IL1RAPL2: variants seen among roughly 807,000 people sequenced by gnomAD.
The protein encoded by IL1RAPL2 is interleukin 1 receptor accessory protein like 2.
IL1RAPL2 carries 3 observed loss-of-function variants against 44.1 expected under a neutral mutation model. The ratio of observed to expected loss-of-function variants is 0.07; its 90% CI spans 0.03 to 0.18. IL1RAPL2 has a LOEUF of 0.18. IL1RAPL2 is among the 10% of genes least tolerant of loss of function. The pLI, the probability that IL1RAPL2 is intolerant of heterozygous loss-of-function variation, is 1.00. For missense variants in IL1RAPL2, 391 were observed against 496.4 expected, an observed-to-expected ratio of 0.79 and a Z score of 2.02; for synonymous variants, 181 against 178.8, an observed-to-expected ratio of 1.01 and a Z score of -0.10.
intron 5 of IL1RAPL2, among the ~76,000 whole-genome samples, chrX:105,411,726 T>G (rs2035697297): frequency 1.8e-5 from 2 of 111,605 alleles, no homozygotes; most frequent in Non-Finnish European, 3.8e-5. Flanking sequence ...AGTAGGGGAC[T>G]TCAACACCCC....
At chrX:105,567,079 A>G (rs1339076078) in intron 6 of IL1RAPL2, among the ~76,000 whole-genome samples, 1 of 111,541 alleles carries the variant, frequency 9.0e-6, no homozygotes, top group African/African-American at 3.3e-5. Flanking sequence ...AAGGAAAAAA[A>G]TTCTTATTTT....
At chrX:104,890,381 C>G (rs1923390823) in intron 2 of IL1RAPL2, among the ~76,000 whole-genome samples, 1 of 111,865 alleles carries the variant, frequency 8.9e-6, no homozygotes, top group Non-Finnish European at 1.9e-5. Context: ...ACACTGTCTT[C>G]CACAATGATA....
chrX:104,773,148 G>C (rs1360715634), intron 2 of IL1RAPL2, among the ~76,000 whole-genome samples: 1 of 111,372 alleles, frequency 9.0e-6, no homozygotes, highest in Non-Finnish European at 1.9e-5. Context: ...GGCTCAAGTA[G>C]TCCTTCTGCC....
intron 5 of IL1RAPL2, among the ~76,000 whole-genome samples, chrX:105,383,649 A>G (rs2035454357): frequency 8.9e-6 from 1 of 112,176 alleles, no homozygotes; most frequent in Non-Finnish European, 1.9e-5. Context: ...GCTAGATCAT[A>G]TGGTAGCTCT....
chrX:104,919,224 CTTT>C (rs35363128), intron 2 of IL1RAPL2, among the ~76,000 whole-genome samples: 9 of 95,995 alleles, frequency 9.4e-5, no homozygotes, highest in South Asian at 9.6e-4. Flanking sequence ...CTTTTTCTTT[CTTT>C]TTTTTTTTTT....
chrX:105,165,029 C>T (rs1243976477), intron 2 of IL1RAPL2, among the ~76,000 whole-genome samples: 1 of 111,521 alleles, frequency 9.0e-6, no homozygotes, highest in Non-Finnish European at 1.9e-5. Flanking sequence ...AACTCTTCAT[C>T]CTTGTCCCCA....
intron 2 of IL1RAPL2, among the ~76,000 whole-genome samples, chrX:104,679,022 G>A (rs1055808859): frequency 8.9e-6 from 1 of 112,040 alleles, no homozygotes; most frequent in Admixed American, 9.4e-5. Context: ...TTTGTGCGGA[G>A]ATGTATAAAA....
At chrX:104,657,571 T>C (rs1322797144) in intron 1 of IL1RAPL2, among the ~76,000 whole-genome samples, 2 of 111,680 alleles carry the variant, frequency 1.8e-5, no homozygotes, top group African/African-American at 6.5e-5. Flanking sequence ...GGGCAAGGAC[T>C]TCATGACTAA....
intron 3 of IL1RAPL2, among the ~76,000 whole-genome samples, chrX:105,197,456 T>C: frequency 8.9e-6 from 1 of 111,999 alleles, no homozygotes; most frequent in East Asian, 2.8e-4. Context: ...GTACAAGTGC[T>C]AAGCTTACAA....
intron 7 of IL1RAPL2, among the ~76,000 whole-genome samples, chrX:105,729,421 T>A (rs996193393): frequency 9.0e-6 from 1 of 111,573 alleles, no homozygotes; most frequent in African/African-American, 3.2e-5. Flanking sequence ...TATGTCATTG[T>A]CTAAATTTAA....
At chrX:105,496,505 A>G (rs763261255) in intron 6 of IL1RAPL2, among the ~76,000 whole-genome samples, 8 of 112,651 alleles carry the variant, frequency 7.1e-5, no homozygotes, top group Non-Finnish European at 1.5e-4. Context: ...TAACAATAGT[A>G]CCTCATATTT....
At chrX:104,757,905 T>C (rs754367253) in intron 2 of IL1RAPL2, among the ~76,000 whole-genome samples, 41 of 112,043 alleles carry the variant, frequency 3.7e-4, no homozygotes, top group Non-Finnish European at 6.2e-4. Context: ...ATACCCACAG[T>C]GAACATGCTG....
At chrX:104,603,395 T>A (rs757078903) in intron 1 of IL1RAPL2, among the ~76,000 whole-genome samples, 1 of 111,442 alleles carries the variant, frequency 9.0e-6, no homozygotes, top group African/African-American at 3.3e-5. Flanking sequence ...ACGCCTCTTC[T>A]CCTCCAAAGG....
intron 2 of IL1RAPL2, among the ~76,000 whole-genome samples, chrX:105,063,562 G>A (rs1437043893): frequency 8.9e-6 from 1 of 112,236 alleles, no homozygotes; most frequent in Non-Finnish European, 1.9e-5. Context: ...TAGGGGTGGT[G>A]TAGGTGATTC....
intron 3 of IL1RAPL2, among the ~76,000 whole-genome samples, chrX:105,224,302 G>T (rs1041169220): frequency 9.9e-5 from 11 of 111,662 alleles, no homozygotes; most frequent in Non-Finnish European, 2.1e-4. Flanking sequence ...ATGCACAGAG[G>T]TTACATAGGA....
chrX:104,609,595 A>C (rs992895735), intron 1 of IL1RAPL2, among the ~76,000 whole-genome samples: 2 of 111,153 alleles, frequency 1.8e-5, no homozygotes, highest in Admixed American at 1.9e-4. Context: ...TTATTTCATT[A>C]AGTTGATCTT....
intron 2 of IL1RAPL2, among the ~76,000 whole-genome samples, chrX:104,936,594 G>T (rs1925031899): frequency 9.3e-6 from 1 of 107,449 alleles, no homozygotes; most frequent in Admixed American, 1.0e-4. Context: ...GATATAAGCA[G>T]ATGGAGAAAA....
At chrX:105,707,984 G>C (rs2147545343) in intron 6 of IL1RAPL2, among the ~76,000 whole-genome samples, 1 of 110,794 alleles carries the variant, frequency 9.0e-6, no homozygotes, top group South Asian at 3.9e-4. Context: ...CTACAAAATA[G>C]AGTATAATGA....
chrX:104,837,320 G>T (rs1569323620), intron 2 of IL1RAPL2, among the ~76,000 whole-genome samples: 1 of 111,395 alleles, frequency 9.0e-6, no homozygotes, highest in Non-Finnish European at 1.9e-5. Flanking sequence ...TTCCACAATG[G>T]TTGAACTAAT....
Sources: allele counts gnomAD v4.1 joint callset (sites outside exome capture counted in the v4.1 genomes callset), GRCh38; gene constraint gnomAD v4.1.1; transcripts MANE v1.5; gene names NCBI Gene and HGNC (gene_info 2026-07-23, HGNC 2026-07-21).